The following SDR9C7 variants were observed in gnomAD, a reference collection of about 807,000 sequenced individuals.
SDR9C7 encodes the protein short-chain dehydrogenase/reductase family 9C member 7.
A neutral mutation model predicts 23.6 loss-of-function variants in SDR9C7; 11 were observed. The ratio of observed to expected loss-of-function variants is 0.47; its 90% CI spans 0.29 to 0.77. The LOEUF (loss-of-function observed/expected upper bound fraction) is 0.77, where lower values mean the gene tolerates loss of function less well. SDR9C7 is among the 30% of genes least tolerant of loss of function. The pLI, the probability that SDR9C7 is intolerant of heterozygous loss-of-function variation, is 0.09. For synonymous variants in SDR9C7, 167 were observed against 157.3 expected (o/e 1.06, Z -0.46); for missense variants, 387 against 407.1 (o/e 0.95, Z 0.42).
In SDR9C7 at chr12:56,924,143, C is replaced by T. The variant is rs1022797241; in HGVS notation, c.725-93G>A. On this transcript the variant is annotated intron_variant, in intron 3 of 3. Coordinates refer to ENST00000293502, the MANE Select transcript of SDR9C7 (RefSeq NM_148897.3). ...CATCCAAGTTCCCTTTCCATCAGAT[C>T]CCTGATCTAACATTTCAGGCAGGTC... The T allele has an allele frequency of 7.1e-6, 6 of 848,718 alleles. No homozygotes were observed. In the African/African-American group the frequency reaches 1.0e-4, roughly 14 times the overall value. 52.6% of individuals were successfully genotyped at this position (848,718 alleles called of 1,614,324 possible).
In SDR9C7 at chr12:56,923,994, T is replaced by A. The variant is rs1334482824; in HGVS notation, c.781A>T (p.Ile261Phe). ...ACAATAGCATGCTCCATGCTGTTGATGACATCTCTGACTCTGGGCTCTGCC... is the reference window on the plus strand; with the variant it reads ...ACAATAGCATGCTCCATGCTGTTGAAGACATCTCTGACTCTGGGCTCTGCC... ...QVAEPRVRDV[I>F]NSMEHAIVSR... is the part of the protein sequence containing the mutation. The change falls in exon 4 of 4, where the codon ATC (isoleucine) becomes TTC (phenylalanine). Residue 261 changes from isoleucine to phenylalanine, a missense_variant. Transcript: ENST00000293502. The A allele has an allele frequency of 6.2e-7, 1 of 1,614,074 alleles. No homozygotes were observed. The highest frequency in any genetic ancestry group is 1.7e-5 in the Admixed American group (1 of 59,998).
chr12:56,931,805 C>A (rs947219534), intron 1 of SDR9C7, among the ~76,000 whole-genome samples: 5 of 152,106 alleles, frequency 3.3e-5, no homozygotes, highest in South Asian at 2.1e-4. Context: ...ACCACAGCCC[C>A]AGCCTCAGCA....
Position 56,934,373 on chromosome 12 carries a change from A to G in SDR9C7, c.-112T>C. The stretch of plus-strand genomic sequence containing the variant: ...CTGCAGGAAACCACCTGGAAGAAGA[A>G]CTCTCCTTCCTCCCACAGCTTGCAA... On this transcript the variant is annotated 5_prime_UTR_variant, in exon 1 of 4. Transcript: ENST00000293502. 2 of 869,142 alleles carry G rather than the reference A, an allele frequency of 2.3e-6. No homozygotes were observed. The highest frequency in any genetic ancestry group is 3.5e-6 in the Non-Finnish European group (2 of 568,048). The allele number at this position is 869,142 out of a possible 1,614,324, so 53.8% of individuals were successfully genotyped here.
In SDR9C7 at chr12:56,923,178, C is replaced by T. The variant is rs1401919415; in HGVS notation, c.*655G>A. 1.3e-5 allele frequency: 2 copies of T among 151,888 alleles called. No homozygotes were observed. The highest frequency in any genetic ancestry group is 2.9e-5 in the Non-Finnish European group (2 of 67,988). The allele number at this position is 151,888 out of a possible 1,614,324, so 9.4% of individuals were successfully genotyped here. A position where few individuals can be genotyped will look rare whatever the true frequency, so the allele number is the denominator to read the frequency against. ...CCATGATTTAATCATCTTTATATTC[C>T]CCCAGCACCTACAAAGTGCCCGGTA... On this transcript the variant is annotated 3_prime_UTR_variant, in exon 4 of 4. Transcript: ENST00000293502.
Position 56,930,304 on chromosome 12 carries a change from G to A in SDR9C7, c.482C>T (p.Ser161Phe). ...ACCAATGACAGCCACACGACCACCA[G>A]AGCTGGACATGTTGACAACCCTGCC... ...ARGRVVNMSSSGGRVAVIGGG... is the reference protein window; with the variant it reads ...ARGRVVNMSSFGGRVAVIGGG... The change falls in exon 2 of 4, where the codon TCT becomes TTT. Residue 161 changes from serine (S) to phenylalanine (F), a missense_variant. Ser to Phe is a radical substitution (Grantham distance 155, BLOSUM62 -2). Coordinates refer to ENST00000293502, the MANE Select transcript of SDR9C7 (RefSeq NM_148897.3). 1 of 1,614,194 alleles carries A rather than the reference G, an allele frequency of 6.2e-7. No individual in the cohort carries two copies. The highest frequency in any genetic ancestry group is 2.2e-5 in the East Asian group (1 of 44,880).
intron 3 of SDR9C7, among the ~76,000 whole-genome samples, chr12:56,928,165 C>T (rs1341512312): frequency 6.6e-6 from 1 of 152,186 alleles, no homozygotes; most frequent in African/African-American, 2.4e-5. Context: ...ACCCCTTAAT[C>T]CTCAGTGTGC....
intron 3 of SDR9C7, among the ~76,000 whole-genome samples, chr12:56,927,126 T>C (rs1955739546): frequency 6.6e-6 from 1 of 152,244 alleles, no homozygotes; most frequent in Non-Finnish European, 1.5e-5. Context: ...TCTGAAATTA[T>C]GGTGTGGACT....
At position 56,923,937 on chromosome 12, in the gene SDR9C7, C is replaced by T; in HGVS notation, c.838G>A (p.Gly280Ser). 6.2e-7 allele frequency: 1 copy of T among 1,614,118 alleles called. No homozygotes were observed. Among genetic ancestry groups the T allele is most frequent in the Non-Finnish European group, 8.5e-7 (1 of 1,179,996 alleles). Residue 280 changes from glycine (G) to serine (S), a missense_variant, in exon 4 of 4, where the codon GGC (glycine) becomes AGC (serine). Transcript: ENST00000293502. ...ATGTAGAGGAGTTTGGCATCCAGGC[C>T]AGGGTTGTAGCGGATGCGAGGGCTC... Reference protein sequence around the residue: ...SRSPRIRYNPGLDAKLLYIPL... With the variant: ...SRSPRIRYNPSLDAKLLYIPL...
intron 2 of SDR9C7, 127 bp downstream of exon 2, chr12:56,930,099 A>C (rs1955758714): frequency 1.7e-6 from 2 of 1,166,854 alleles, no homozygotes; most frequent in Non-Finnish European, 2.5e-6. Context: ...CTTGAGGTCT[A>C]ACCTTCCTTC....
chr12:56,933,665 T>C (rs1286367253), intron 1 of SDR9C7, among the ~76,000 whole-genome samples: 1 of 152,202 alleles, frequency 6.6e-6, no homozygotes, highest in East Asian at 1.9e-4. Context: ...GCCAGGCACG[T>C]CCATTTTTAG....
chr12:56,923,917 G>A lies in SDR9C7; in HGVS notation c.858C>T (p.Leu286=), dbSNP rs762016637. The part of the protein sequence containing the change: ...RYNPGLDAKL[L]YIPLAKLPTP... ...TGGGCAACTTAGCCAGAGGGATGTA[G>A]AGGAGTTTGGCATCCAGGCCAGGGT... Residue 286 remains leucine, a synonymous_variant, in exon 4 of 4, where the codon CTC becomes CTT. Coordinates refer to ENST00000293502, the MANE Select transcript of SDR9C7 (RefSeq NM_148897.3). 10 of 1,614,072 alleles carry A rather than the reference G, an allele frequency of 6.2e-6. No homozygotes were observed. Among genetic ancestry groups the A allele is most frequent in the African/African-American group, 4.0e-5 (3 of 74,934 alleles).
chr12:56,926,385 C>T (rs758464603), intron 3 of SDR9C7, among the ~76,000 whole-genome samples: 8 of 152,194 alleles, frequency 5.3e-5, no homozygotes, highest in East Asian at 1.9e-4. Context: ...ATCCTTCCCA[C>T]GGTGACACAA....
chr12:56,925,350 A>C (rs997533612), intron 3 of SDR9C7, among the ~76,000 whole-genome samples: 4 of 152,182 alleles, frequency 2.6e-5, no homozygotes, highest in African/African-American at 9.6e-5. Context: ...TTCATGCTTC[A>C]TTGAGAGCCC....
chr12:56,932,083 G>A (rs1230203687), intron 1 of SDR9C7, among the ~76,000 whole-genome samples: 1 of 152,220 alleles, frequency 6.6e-6, no homozygotes, highest in Non-Finnish European at 1.5e-5. Context: ...CCCCAAAGAT[G>A]TCCCCATCCT....
rs1955762330 is a variant in SDR9C7, at chr12:56,930,461, C to G, written c.325G>C (p.Ala109Pro). The change falls in exon 2 of 4, where the codon GCT becomes CCT. Residue 109 changes from alanine (A) to proline (P), a missense_variant. Physicochemically the swap from Ala to Pro is conservative, Grantham distance 27 (BLOSUM62 -1). Coordinates refer to ENST00000293502, the MANE Select transcript of SDR9C7 (RefSeq NM_148897.3). ...EQGLWALVNN[A>P]GVGLPSGPNE... is the part of the protein sequence containing the mutation. ...GGACCACTGGGCAGGCCCACACCAG[C>G]ATTGTTCACCAGGGCCCAGAGGCCT... The G allele has an allele frequency of 1.2e-6, 2 of 1,614,118 alleles. No individual in the cohort carries two copies. Among genetic ancestry groups the G allele is most frequent in the Non-Finnish European group, 1.7e-6 (2 of 1,180,002 alleles).
In SDR9C7 at chr12:56,930,258, C is replaced by T. The variant is rs114327722; in HGVS notation, c.528G>A (p.Lys176=). ...AVIGGGYCVS[K]FGVEAFSDSI... Reference sequence around the variant, plus strand: ...TGTCAGAGAAGGCCTCAACGCCAAACTTGGAGACGCAGTAGCCACCACCAA... The same window carrying T: ...TGTCAGAGAAGGCCTCAACGCCAAATTTGGAGACGCAGTAGCCACCACCAA... Residue 176 remains lysine, a synonymous_variant, in exon 2 of 4, where the codon AAG becomes AAA. Transcript: ENST00000293502. The T allele has an allele frequency of 1.0e-3, 1,624 of 1,614,118 alleles. 15 individuals are homozygous for T. In the African/African-American group the frequency reaches 0.016, roughly 16 times the overall value.
chr12:56,926,636 G>C (rs1311737402), intron 3 of SDR9C7, among the ~76,000 whole-genome samples: 2 of 152,202 alleles, frequency 1.3e-5, no homozygotes, highest in African/African-American at 4.8e-5. Context: ...CAATCCATGA[G>C]AGAGGAATTG....
At chr12:56,930,553 C>T (rs1317617699) in intron 1 of SDR9C7, 69 bp from the exon 2 acceptor site, 17 of 1,544,752 alleles carry the variant, frequency 1.1e-5, no homozygotes, top group East Asian at 4.6e-5. Context: ...TGCTCCCCAC[C>T]GGCTCAGTGC....
intron 3 of SDR9C7, among the ~76,000 whole-genome samples, chr12:56,925,739 C>G (rs529833112): frequency 6.6e-6 from 1 of 152,336 alleles, no homozygotes; most frequent in African/African-American, 2.4e-5. Flanking sequence ...CAGAGGCCAC[C>G]AGCAGCAGGG....
Sources: gnomAD v4.1 joint callset for allele counts (sites outside exome capture counted in the v4.1 genomes callset) on GRCh38, gnomAD v4.1.1 for gene constraint, MANE v1.5 for transcripts, NCBI Gene and HGNC (gene_info 2026-07-23, HGNC 2026-07-21) for gene names.